PSTPIP1: variants seen among roughly 807,000 people sequenced by gnomAD.
PSTPIP1 encodes the protein proline-serine-threonine phosphatase-interacting protein 1.
In PSTPIP1, 66 loss-of-function variants were observed where a neutral mutation model predicts 69.6. The ratio of observed to expected loss-of-function variants is 0.95; its 90% CI spans 0.78 to 1.16. PSTPIP1 has a LOEUF of 1.16. PSTPIP1 is among the 50% of genes most tolerant of loss of function. PSTPIP1 has a pLI of 0.00. For synonymous variants in PSTPIP1, 266 were observed against 222.7 expected (o/e 1.19, Z -1.73); for missense variants, 603 against 557.4 (o/e 1.08, Z -0.82).
At chr15:77,037,006 G>A (rs1219921359) in intron 14 of PSTPIP1, 39 bp from the exon 15 acceptor site, 1 of 1,601,454 alleles carries the variant, frequency 6.2e-7, no homozygotes, top group East Asian at 2.3e-5. Flanking sequence ...CTTCCCTGCA[G>A]GCCCTTCCAA....
chr15:77,011,160 G>A (rs2075927364), intron 1 of PSTPIP1, among the ~76,000 whole-genome samples: 1 of 152,270 alleles, frequency 6.6e-6, no homozygotes, highest in Non-Finnish European at 1.5e-5. Flanking sequence ...ACATTAGAGA[G>A]AGTCACCTCT....
chr15:77,009,052 C>T (rs984238777), intron 1 of PSTPIP1, among the ~76,000 whole-genome samples: 3 of 152,116 alleles, frequency 2.0e-5, no homozygotes, highest in Non-Finnish European at 4.4e-5. Flanking sequence ...GCCTTGGTTC[C>T]TTGTTTGTAA....
At position 77,029,621 on chromosome 15, in the gene PSTPIP1, G is replaced by A. The variant is rs187712861; in HGVS notation, c.562+47G>A. On this transcript the variant is annotated intron_variant, in intron 8 of 14. Coordinates refer to ENST00000558012, the MANE Select transcript of PSTPIP1 (RefSeq NM_003978.5). ...GTCCGACCAGGGCGGAGGCCTGGGC[G>A]GTACTCCCCACACACACCTCCTCAC... The A allele has an allele frequency of 3.5e-3, 5,392 of 1,540,628 alleles. 13 individuals are homozygous for A. Among genetic ancestry groups the A allele is most frequent in the Non-Finnish European group, 4.4e-3 (4,984 of 1,138,094 alleles).
At chr15:76,996,511 C>T (rs903058602) in intron 1 of PSTPIP1, among the ~76,000 whole-genome samples, 4 of 152,240 alleles carry the variant, frequency 2.6e-5, no homozygotes, top group African/African-American at 9.6e-5. Context: ...GACGCTCTGG[C>T]CCTCGGCTCA....
intron 12 of PSTPIP1, among the ~76,000 whole-genome samples, 175 bp downstream of exon 12, chr15:77,033,127 G>A (rs1481938655): frequency 6.6e-6 from 1 of 152,166 alleles, no homozygotes; most frequent in African/African-American, 2.4e-5. Flanking sequence ...TTCAGCCTAT[G>A]GAACCCTCAG....
chr15:77,035,534 C>A lies in PSTPIP1; in HGVS notation c.956C>A (p.Pro319His). The change falls in exon 13 of 15, where the codon CCC becomes CAC. Residue 319 changes from proline to histidine, a missense_variant. Transcript: ENST00000558012. ...TTCTCTGGACTGCTGCACGGAAGTC[C>A]CAAGACCACTTCGTTGGCAGCTTCT... Reference protein sequence around the residue: ...KRFSGLLHGSPKTTSLAASAA... With the variant: ...KRFSGLLHGSHKTTSLAASAA... The A allele has an allele frequency of 6.3e-7, 1 of 1,592,646 alleles. No homozygotes were observed. The highest frequency in any genetic ancestry group is 2.3e-5 in the East Asian group (1 of 43,830).
At chr15:76,997,074 A>G (rs1240966087) in intron 1 of PSTPIP1, among the ~76,000 whole-genome samples, 1 of 152,220 alleles carries the variant, frequency 6.6e-6, no homozygotes, top group Non-Finnish European at 1.5e-5. Flanking sequence ...AGCAGCCTCC[A>G]TGGCAGGATC....
chr15:77,007,115 C>A (rs1036879235), intron 1 of PSTPIP1, among the ~76,000 whole-genome samples: 2 of 152,082 alleles, frequency 1.3e-5, no homozygotes, highest in East Asian at 1.9e-4. Context: ...CTCCTCCCTG[C>A]GATTGCTCTG....
chr15:77,001,771 A>G (rs894413319), intron 1 of PSTPIP1, among the ~76,000 whole-genome samples: 5 of 152,208 alleles, frequency 3.3e-5, no homozygotes, highest in African/African-American at 4.8e-5. Flanking sequence ...GGAAATAAGC[A>G]TTTATACTGG....
chr15:77,029,680 A>C, intron 8 of PSTPIP1, 106 bp downstream of exon 8: 1 of 1,287,646 alleles, frequency 7.8e-7, no homozygotes, highest in Non-Finnish European at 1.1e-6. Context: ...TGGCTGCACA[A>C]TCATGGGCGC....
At chr15:77,025,445 C>T (rs564336596) in intron 4 of PSTPIP1, 53 bp from the exon 5 acceptor site, 2 of 1,587,734 alleles carry the variant, frequency 1.3e-6, no homozygotes, top group East Asian at 2.3e-5. Context: ...TTGTGGGTGG[C>T]TGAGGCCCAT....
At chr15:77,030,405 C>T (rs1347938292) in intron 8 of PSTPIP1, 97 bp from the exon 9 acceptor site, 16 of 1,290,342 alleles carry the variant, frequency 1.2e-5, no homozygotes, top group Admixed American at 7.9e-5. Context: ...GGAGGCGGGG[C>T]TCCCAGTGGG....
In PSTPIP1 at chr15:77,018,174, C is replaced by A. The variant is rs1466599498; in HGVS notation, c.63C>A (p.Gly21=). 4 of 1,588,200 alleles carry A rather than the reference C, an allele frequency of 2.5e-6. No homozygotes were observed. In the South Asian group the frequency reaches 4.6e-5, roughly 18 times the overall value. The change falls in exon 2 of 15, where the codon GGC becomes GGA. Residue 21 remains glycine (G), a synonymous_variant. Coordinates refer to ENST00000558012, the MANE Select transcript of PSTPIP1 (RefSeq NM_003978.5). ...FWCRDFTAHT[G]YEVLLQRLLD... ...GCAGGGACTTCACAGCCCACACGGG[C>A]TACGAGGTGCTGCTGCAGCGGCTTC...
In PSTPIP1 at chr15:77,027,956, C is replaced by A. The variant is rs1473184926; in HGVS notation, c.417+42C>A. ...GGGGCCGCGGCCTTCCCTCGAGGAG[C>A]AGCGCAGGTCTCAGGGTGCGATCCT... On this transcript the variant is annotated intron_variant, in intron 6 of 14. Transcript: ENST00000558012. This position sits in a 1 kb window ranked among gnomAD's most constrained non-coding sequence, Gnocchi z 4.3. 2.7e-6 allele frequency: 4 copies of A among 1,492,582 alleles called. No homozygotes were observed. The highest frequency in any genetic ancestry group is 3.7e-6 in the Non-Finnish European group (4 of 1,095,018). The allele number at this position is 1,492,582 out of a possible 1,614,324, so 92.5% of individuals were successfully genotyped here.
chr15:77,036,022 C>T lies in PSTPIP1; in HGVS notation c.1119+87C>T, dbSNP rs1259570010. 7.6e-6 allele frequency: 11 copies of T among 1,438,810 alleles called. No homozygotes were observed. The East Asian group carries it at 2.0e-4, about 26-fold the overall frequency. The allele number at this position is 1,438,810 out of a possible 1,614,324, so 89.1% of individuals were successfully genotyped here. ...CCCATCCAGTGCCTTGCGTCCTCAT[C>T]TCTCCTCATGGTTTCACTCATCTTC... On this transcript the variant is annotated intron_variant, in intron 14 of 14. Coordinates refer to ENST00000558012, the MANE Select transcript of PSTPIP1 (RefSeq NM_003978.5).
At chr15:77,011,817 T>C (rs764357664) in intron 1 of PSTPIP1, among the ~76,000 whole-genome samples, 1 of 152,106 alleles carries the variant, frequency 6.6e-6, no homozygotes, top group African/African-American at 2.4e-5. Flanking sequence ...GCTCCTCACC[T>C]GTCAAAGCCC....
chr15:77,032,694 G>A (rs2076450070), intron 11 of PSTPIP1, 168 bp from the exon 12 acceptor site: 1 of 648,348 alleles, frequency 1.5e-6, no homozygotes, highest in Admixed American at 2.9e-5. Context: ...AGAATATTAG[G>A]TCTTGATGGT....
chr15:77,030,368 G>A lies in PSTPIP1; in HGVS notation c.563-134G>A, dbSNP rs1596119881. ...CTGACGGGCATTCAGATGAGGCCCC[G>A]CCATCTGCTAGGGCAGGTCCCATGG... On this transcript the variant is annotated intron_variant, in intron 8 of 14. Transcript: ENST00000558012. 2.7e-5 allele frequency: 24 copies of A among 879,878 alleles called. No individual in the cohort carries two copies. The South Asian group carries it at 2.8e-4, about 10-fold the overall frequency. 54.5% of individuals were successfully genotyped at this position (879,878 alleles called of 1,614,324 possible).
intron 14 of PSTPIP1, among the ~76,000 whole-genome samples, chr15:77,036,352 C>G (rs762950148): frequency 5.3e-5 from 8 of 152,186 alleles, no homozygotes; most frequent in Non-Finnish European, 1.2e-4. Context: ...GGGCCAGGCT[C>G]TGTGCCTTTG....
Sources: gnomAD v4.1 joint callset for allele counts (sites outside exome capture counted in the v4.1 genomes callset) on GRCh38, gnomAD v4.1.1 for gene constraint, Gnocchi (gnomAD v3.1) non-coding constraint, MANE v1.5 for transcripts, NCBI Gene and HGNC (gene_info 2026-07-23, HGNC 2026-07-21) for gene names.